Variants in HDAC9 observed in about 807,000 individuals in gnomAD.
The protein encoded by HDAC9 is histone deacetylase 9, also known as MEF-2 interacting transcription repressor (MITR) protein.
HDAC9 carries 41 observed loss-of-function variants against 139.4 expected under a neutral mutation model. The observed-to-expected ratio is 0.29, with a 90% CI of 0.23 to 0.38. The LOEUF is 0.38. Among genes scored for constraint, HDAC9 ranks in the 10% least tolerant of loss-of-function variants. HDAC9 has a pLI of 1.00. For synonymous variants in HDAC9, 517 were observed against 476.2 expected (o/e 1.09, Z -1.12); for missense variants, 1,147 against 1,297.0 (o/e 0.88, Z 1.78).
intron 23 of HDAC9, among the ~76,000 whole-genome samples, chr7:18,952,637 A>G (rs930919265): frequency 1.3e-5 from 2 of 152,032 alleles, no homozygotes; most frequent in African/African-American, 4.8e-5. Context: ...TCTAATGCAT[A>G]AGAGTTTTCC....
chr7:18,907,034 C>A (rs73322126), intron 22 of HDAC9: 2,613 of 152,214 alleles, frequency 0.017, 81 homozygotes, highest in African/African-American at 0.06. Context: ...ATCGGGAGCA[C>A]CCTCACAAGA....
chr7:18,503,509 T>C (rs550380749), intron 2 of HDAC9, among the ~76,000 whole-genome samples: 1 of 152,364 alleles, frequency 6.6e-6, no homozygotes, highest in African/African-American at 2.4e-5. Context: ...TAAATACTTC[T>C]TGTGTTTTTA....
chr7:18,964,112 A>G (rs1465277994), intron 24 of HDAC9, among the ~76,000 whole-genome samples: 1 of 152,158 alleles, frequency 6.6e-6, no homozygotes, highest in Non-Finnish European at 1.5e-5. Flanking sequence ...GATGTATAGC[A>G]GTTTGACCTC....
At chr7:18,226,416 GA>G (rs541214446) in intron 2 of HDAC9, among the ~76,000 whole-genome samples, 24 of 146,958 alleles carry the variant, frequency 1.6e-4, no homozygotes, top group Middle Eastern at 3.5e-3. Context: ...TAACTCCCAG[GA>G]AAAAAAAAAG....
At chr7:18,473,500 G>A (rs921998844) in intron 1 of HDAC9, among the ~76,000 whole-genome samples, 2 of 152,232 alleles carry the variant, frequency 1.3e-5, no homozygotes, top group Non-Finnish European at 2.9e-5. Context: ...ACATGTGCAT[G>A]GATGCACAGA....
At chr7:18,983,334 T>G (rs1193924681) in intron 25 of HDAC9, among the ~76,000 whole-genome samples, 1 of 152,198 alleles carries the variant, frequency 6.6e-6, no homozygotes, top group Admixed American at 6.6e-5. Context: ...CCACATTTTC[T>G]TTATCCACTC....
chr7:18,383,638 CT>C (rs987309817), intron 1 of HDAC9, among the ~76,000 whole-genome samples: 6 of 151,548 alleles, frequency 4.0e-5, no homozygotes, highest in African/African-American at 1.5e-4. Flanking sequence ...AGATATGCAT[CT>C]AACATTAAAG....
At chr7:18,629,841 A>T (rs1781798652) in intron 7 of HDAC9, among the ~76,000 whole-genome samples, 1 of 152,150 alleles carries the variant, frequency 6.6e-6, no homozygotes, top group African/African-American at 2.4e-5. Flanking sequence ...CAAGAAGAAC[A>T]CTTTCCCCTG....
chr7:18,123,947 C>T lies in HDAC9; in HGVS notation c.-97+36734C>T, dbSNP rs1178659748. 2.6e-5 allele frequency among the ~76,000 whole-genome samples: 4 copies of T among 152,134 alleles called. No homozygotes were observed. The East Asian group carries it at 7.7e-4, about 29-fold the overall frequency. The stretch of plus-strand genomic sequence containing the variant: ...AATCTTGTCTGTACATAACAACCTC[C>T]TAAAGGAGAAAGAATGAGGGGTGCT... On this transcript the variant is annotated intron_variant, in intron 1 of 12. Coordinates refer to the HDAC9 transcript ENST00000417496.
At chr7:18,944,928 G>A (rs886225327) in intron 23 of HDAC9, among the ~76,000 whole-genome samples, 2 of 152,118 alleles carry the variant, frequency 1.3e-5, no homozygotes, top group African/African-American at 4.8e-5. Context: ...AAATGTCACA[G>A]TTTATTTACA....
intron 13 of HDAC9, among the ~76,000 whole-genome samples, chr7:18,740,593 A>G (rs1787361472): frequency 6.6e-6 from 1 of 152,130 alleles, no homozygotes; most frequent in Non-Finnish European, 1.5e-5. Context: ...GGGAATTTAG[A>G]CCAATTTATA....
chr7:18,161,128 T>A (rs1787600694), intron 1 of HDAC9, among the ~76,000 whole-genome samples: 1 of 152,216 alleles, frequency 6.6e-6, no homozygotes, highest in East Asian at 1.9e-4. Flanking sequence ...TAAATCTTAA[T>A]ACTTATTGAG....
intron 12 of HDAC9, among the ~76,000 whole-genome samples, chr7:18,677,031 G>C (rs1781561948): frequency 6.6e-6 from 1 of 151,686 alleles, no homozygotes; most frequent in South Asian, 2.1e-4. Context: ...TATATACATA[G>C]AGTTTAATAA....
intron 2 of HDAC9, among the ~76,000 whole-genome samples, chr7:18,521,013 G>A (rs1804853721): frequency 6.6e-6 from 1 of 152,146 alleles, no homozygotes; most frequent in African/African-American, 2.4e-5. Flanking sequence ...TCTAACAGGC[G>A]TTTTAGAGAG....
intron 2 of HDAC9, among the ~76,000 whole-genome samples, chr7:18,278,399 G>C (rs1295336241): frequency 1.3e-5 from 2 of 152,188 alleles, no homozygotes; most frequent in Non-Finnish European, 2.9e-5. Context: ...GAACATGGTA[G>C]AGGAAGAACT....
intron 2 of HDAC9, among the ~76,000 whole-genome samples, chr7:18,180,216 C>T (rs1163631493): frequency 7.0e-6 from 1 of 142,386 alleles, no homozygotes; most frequent in Non-Finnish European, 1.5e-5. Flanking sequence ...AGCACCCTCC[C>T]CAAGACACAT....
At chr7:18,356,939 T>C (rs1783357016) in intron 1 of HDAC9, among the ~76,000 whole-genome samples, 2 of 152,194 alleles carry the variant, frequency 1.3e-5, no homozygotes. Flanking sequence ...ATTATTAGTT[T>C]ATGTACAGTA....
intron 2 of HDAC9, among the ~76,000 whole-genome samples, chr7:18,272,965 C>CTAT (rs1444521164): frequency 7.7e-6 from 1 of 130,580 alleles, no homozygotes; most frequent in African/African-American, 2.8e-5. Flanking sequence ...ACTACTACTA[C>CTAT]TATTTCTTCC....
intron 21 of HDAC9, among the ~76,000 whole-genome samples, chr7:18,841,912 G>A (rs1796608992): frequency 6.6e-6 from 1 of 151,852 alleles, no homozygotes; most frequent in African/African-American, 2.4e-5. Context: ...GGATATAAAT[G>A]TTTTCATCTT....
Sources: allele counts gnomAD v4.1 joint callset (sites outside exome capture counted in the v4.1 genomes callset), GRCh38; gene constraint gnomAD v4.1.1; transcripts MANE v1.5; gene names NCBI Gene and HGNC (gene_info 2026-07-23, HGNC 2026-07-21).